IL1RAPL1: variants seen among roughly 807,000 people sequenced by gnomAD.
IL1RAPL1 encodes the protein interleukin 1 receptor accessory protein like 1, also known as interleukin-1 receptor accessory protein-like 1.
A neutral mutation model predicts 48.4 loss-of-function variants in IL1RAPL1; 3 were observed. That is an observed-to-expected ratio of 0.06 (90% CI 0.03 to 0.16). The LOEUF (loss-of-function observed/expected upper bound fraction) is 0.16. IL1RAPL1 is among the 10% of genes least tolerant of loss of function. IL1RAPL1 has a pLI of 1.00. For missense variants in IL1RAPL1, 349 were observed against 530.6 expected (o/e 0.66, Z 3.36); for synonymous variants, 185 against 187.7 (o/e 0.99, Z 0.12).
At chrX:29,634,468 A>G (rs779204456) in intron 5 of IL1RAPL1, among the ~76,000 whole-genome samples, 97 of 111,522 alleles carry the variant, frequency 8.7e-4, no homozygotes, top group Middle Eastern at 4.6e-3. Flanking sequence ...GGAAGTAAAG[A>G]AGCAGCCTAT....
intron 1 of IL1RAPL1, among the ~76,000 whole-genome samples, chrX:28,732,426 G>T (rs183477367): frequency 1.8e-5 from 2 of 111,716 alleles, no homozygotes; most frequent in African/African-American, 6.5e-5. Flanking sequence ...ATATAAATAG[G>T]ATCAAGTTAA....
At chrX:28,642,147 C>T (rs1934552555) in intron 1 of IL1RAPL1, among the ~76,000 whole-genome samples, 1 of 111,367 alleles carries the variant, frequency 9.0e-6, no homozygotes, top group African/African-American at 3.3e-5. Context: ...TACAGGAGCA[C>T]CCAGATTCAT....
chrX:29,638,540 T>G (rs1467554882), intron 5 of IL1RAPL1, among the ~76,000 whole-genome samples: 1 of 111,919 alleles, frequency 8.9e-6, no homozygotes, highest in Non-Finnish European at 1.9e-5. Flanking sequence ...ATGGCTTTTG[T>G]TTTTCCATTC....
intron 6 of IL1RAPL1, among the ~76,000 whole-genome samples, chrX:29,873,562 G>T (rs932488516): frequency 9.0e-6 from 1 of 111,682 alleles, no homozygotes; most frequent in Non-Finnish European, 1.9e-5. Context: ...AGTGTAATCC[G>T]TGAAGCAGAG....
chrX:29,528,151 G>A (rs966694524), intron 5 of IL1RAPL1, among the ~76,000 whole-genome samples: 17 of 112,315 alleles, frequency 1.5e-4, no homozygotes, highest in African/African-American at 5.5e-4. Context: ...CTCATTTCTA[G>A]AAATTAGCCT....
At chrX:28,920,892 T>C (rs1286633873) in intron 2 of IL1RAPL1, among the ~76,000 whole-genome samples, 1 of 111,959 alleles carries the variant, frequency 8.9e-6, no homozygotes, top group Non-Finnish European at 1.9e-5. Context: ...AGAAATCCCC[T>C]GACCTGGTTC....
At chrX:29,608,633 T>C (rs1041892253) in intron 5 of IL1RAPL1, among the ~76,000 whole-genome samples, 14 of 107,510 alleles carry the variant, frequency 1.3e-4, no homozygotes, top group Non-Finnish European at 9.6e-5. Flanking sequence ...GAGACCATCC[T>C]GGCTAACACG....
intron 8 of IL1RAPL1, among the ~76,000 whole-genome samples, chrX:29,928,817 T>G (rs771398209): frequency 8.0e-5 from 9 of 111,956 alleles, no homozygotes; most frequent in Non-Finnish European, 1.5e-4. Context: ...CGTTGAACTT[T>G]TGACAACCAG....
At chrX:29,131,737 C>G (rs912085075) in intron 2 of IL1RAPL1, among the ~76,000 whole-genome samples, 1 of 111,605 alleles carries the variant, frequency 9.0e-6, no homozygotes, top group African/African-American at 3.3e-5. Context: ...CTGGCCAATT[C>G]TGATATGCAC....
rs1744809423 is a variant in IL1RAPL1, at chrX:29,916,697, C to T, written c.779-767C>T. ...GTGGCATGAAATATCCAGAAATAAA[C>T]TTTACTTTCTACGGGCATTAAATTT... On this transcript the variant is annotated intron_variant, in intron 6 of 10. Coordinates refer to ENST00000378993, the MANE Select transcript of IL1RAPL1 (RefSeq NM_014271.4). 2.7e-5 allele frequency among the ~76,000 whole-genome samples: 3 copies of T among 111,922 alleles called. No individual in the cohort carries two copies. In the Admixed American group the frequency reaches 2.9e-4, roughly 11 times the overall value.
intron 5 of IL1RAPL1, among the ~76,000 whole-genome samples, chrX:29,420,857 T>A (rs1934282227): frequency 8.9e-6 from 1 of 112,188 alleles, no homozygotes; most frequent in Non-Finnish European, 1.9e-5. Context: ...CTATTTTACT[T>A]GAAAGTCTTT....
At chrX:28,830,770 T>C (rs926116999) in intron 2 of IL1RAPL1, among the ~76,000 whole-genome samples, 65 of 110,507 alleles carry the variant, frequency 5.9e-4, no homozygotes, top group African/African-American at 2.0e-3. Flanking sequence ...TCATATAACA[T>C]GGCTACTTTG....
intron 2 of IL1RAPL1, among the ~76,000 whole-genome samples, chrX:29,281,035 T>G (rs1277528093): frequency 8.9e-6 from 1 of 112,066 alleles, no homozygotes; most frequent in African/African-American, 3.2e-5. Flanking sequence ...AGATAATAAA[T>G]GTGGATAATT....
At chrX:29,258,600 T>G in intron 2 of IL1RAPL1, among the ~76,000 whole-genome samples, 1 of 108,890 alleles carries the variant, frequency 9.2e-6, no homozygotes, top group Non-Finnish European at 1.9e-5. Flanking sequence ...ATTATTTAGT[T>G]TTTTTTTTTT....
At chrX:28,994,811 T>C (rs1339580604) in intron 2 of IL1RAPL1, among the ~76,000 whole-genome samples, 1 of 111,989 alleles carries the variant, frequency 8.9e-6, no homozygotes, top group African/African-American at 3.2e-5. Context: ...GACTTAAGCA[T>C]ATGGCAAATT....
At chrX:29,353,474 T>A (rs1375816029) in intron 3 of IL1RAPL1, among the ~76,000 whole-genome samples, 1 of 111,672 alleles carries the variant, frequency 9.0e-6, no homozygotes, top group Non-Finnish European at 1.9e-5. Flanking sequence ...TTCCCTTTTC[T>A]TAAAACTAAT....
chrX:28,779,806 A>T (rs1392679325), intron 1 of IL1RAPL1, among the ~76,000 whole-genome samples: 1 of 106,075 alleles, frequency 9.4e-6, no homozygotes, highest in Non-Finnish European at 1.9e-5. Flanking sequence ...AAATGAATGT[A>T]GTATTAAGTA....
intron 5 of IL1RAPL1, among the ~76,000 whole-genome samples, chrX:29,424,318 GAAA>G (rs10711871): frequency 2.0e-4 from 20 of 98,285 alleles, no homozygotes; most frequent in East Asian, 1.3e-3. Context: ...AGGCTGGAAA[GAAA>G]AAAAAAAAAA....
intron 6 of IL1RAPL1, among the ~76,000 whole-genome samples, chrX:29,779,770 G>A (rs1929291031): frequency 9.0e-6 from 1 of 111,529 alleles, no homozygotes; most frequent in Admixed American, 9.6e-5. Context: ...CAAAATGAAA[G>A]GAAGTAATGC....
Sources: gnomAD v4.1 joint callset for allele counts (sites outside exome capture counted in the v4.1 genomes callset) on GRCh38, gnomAD v4.1.1 for gene constraint, MANE v1.5 for transcripts, NCBI Gene and HGNC (gene_info 2026-07-23, HGNC 2026-07-21) for gene names.